Variants in COL14A1 observed in about 807,000 individuals in gnomAD.
The protein encoded by COL14A1 is collagen alpha-1(XIV) chain.
In COL14A1, 136 loss-of-function variants were observed where a neutral mutation model predicts 230.3. The observed-to-expected ratio is 0.59, with a 90% CI of 0.51 to 0.68. The LOEUF is 0.68. COL14A1 is among the 30% of genes least tolerant of loss of function. The pLI is 0.00. For missense variants in COL14A1, 1,976 were observed against 2,215.8 expected (o/e 0.89, Z 2.17); for synonymous variants, 792 against 784.1 (o/e 1.01, Z -0.17).
intron 19 of COL14A1, among the ~76,000 whole-genome samples, chr8:120,236,522 G>C (rs1818451223): frequency 1.3e-5 from 2 of 151,574 alleles, no homozygotes; most frequent in South Asian, 4.1e-4. Context: ...CTTTGCACGT[G>C]AGATGGGTCT....
chr8:120,348,743 A>G (rs1411335096), intron 45 of COL14A1, among the ~76,000 whole-genome samples: 2 of 152,142 alleles, frequency 1.3e-5, no homozygotes, highest in Non-Finnish European at 2.9e-5. Flanking sequence ...AGAAGTGCCC[A>G]CTCTAACTTT....
chr8:120,286,379 G>T (rs1820202961), intron 33 of COL14A1, among the ~76,000 whole-genome samples: 1 of 152,060 alleles, frequency 6.6e-6, no homozygotes, highest in Non-Finnish European at 1.5e-5. Context: ...TGCAGATAGG[G>T]ATAACTGATT....
intron 5 of COL14A1, among the ~76,000 whole-genome samples, chr8:120,188,093 T>C (rs536971291): frequency 4.6e-5 from 7 of 152,050 alleles, no homozygotes; most frequent in African/African-American, 1.4e-4. Context: ...ACTTTTTTTT[T>C]TTTTTTTGAG....
At chr8:120,129,050 G>A (rs1248656022) in intron 1 of COL14A1, among the ~76,000 whole-genome samples, 1 of 152,176 alleles carries the variant, frequency 6.6e-6, no homozygotes, top group African/African-American at 2.4e-5. Context: ...ATAATTTGCT[G>A]CAGGTTGTTT....
chr8:120,372,963 G>A lies in COL14A1; in HGVS notation c.*1732G>A, dbSNP rs1812212781. ...TTCTGCCTGAGAAAGCAGGATTTAT[G>A]GGAAGGAAAACTTGTCTAAGGCTCA... On this transcript the variant is annotated 3_prime_UTR_variant, in exon 48 of 48. Coordinates refer to ENST00000297848, the MANE Select transcript of COL14A1 (RefSeq NM_021110.4). 6.6e-6 allele frequency among the ~76,000 whole-genome samples: 1 copy of A among 152,100 alleles called. No homozygotes were observed. The highest frequency in any genetic ancestry group is 2.4e-5 in the African/African-American group (1 of 41,420).
intron 5 of COL14A1, among the ~76,000 whole-genome samples, chr8:120,193,988 C>T (rs1414515250): frequency 1.3e-5 from 2 of 152,348 alleles, no homozygotes; most frequent in African/African-American, 2.4e-5. Flanking sequence ...AACTCCCTGA[C>T]CCCTTGCGCT....
In COL14A1 at chr8:120,289,657, A is replaced by G. The variant is rs1353542367; in HGVS notation, c.4127A>G (p.Lys1376Arg). ...ETLVKVVIDC[K>R]QVGEKAMNAS... ...TTGGTCAAAGTGGTTATTGACTGCA[A>G]GCAAGTGGGTGAGAAGGCAATGAAC... The change falls in exon 34 of 48, where the codon AAG becomes AGG. Residue 1376 changes from lysine (K) to arginine (R), a missense_variant. Around this residue, in one of 3 missense-constraint regions of COL14A1, gnomAD observed 1,791 missense variants for 2,019.5 expected, o/e 0.89. Coordinates refer to ENST00000297848, the MANE Select transcript of COL14A1 (RefSeq NM_021110.4). The G allele has an allele frequency of 6.2e-7, 1 of 1,614,086 alleles. No individual in the cohort carries two copies.
rs1466901874 is a variant in COL14A1 at position 120,173,867 on chromosome 8, C to CT, written c.436+5621dup. On this transcript the variant is annotated intron_variant, in intron 5 of 47. Coordinates refer to ENST00000297848, the MANE Select transcript of COL14A1 (RefSeq NM_021110.4). Reference sequence around the variant, plus strand: ...TAGAAATAGTTTTAGAACTGCTAATCTGTGCATACTGCAAAAAGACAAACA... The same window carrying CT: ...TAGAAATAGTTTTAGAACTGCTAATCTTGTGCATACTGCAAAAAGACAAACA... Among the ~76,000 whole-genome samples the CT allele has an allele frequency of 2.7e-5, 4 of 150,446 alleles. No homozygotes were observed. In the East Asian group the frequency reaches 7.7e-4, roughly 29 times the overall value.
chr8:120,316,455 A>G (rs1274232202), intron 40 of COL14A1, among the ~76,000 whole-genome samples: 1 of 152,212 alleles, frequency 6.6e-6, no homozygotes, highest in East Asian at 1.9e-4. Context: ...AGTGGACAGT[A>G]GTACAATAAA....
chr8:120,226,803 G>A, intron 16 of COL14A1, 37 bp downstream of exon 16: 1 of 1,601,570 alleles, frequency 6.2e-7, no homozygotes, highest in Middle Eastern at 1.8e-4. Flanking sequence ...TTAATCTGGA[G>A]CATTAGTGAA....
At chr8:120,189,192 T>G (rs541700877) in intron 5 of COL14A1, among the ~76,000 whole-genome samples, 1 of 152,342 alleles carries the variant, frequency 6.6e-6, no homozygotes, top group South Asian at 2.1e-4. Flanking sequence ...TGAACAGCTG[T>G]TTGCCCCTGG....
chr8:120,337,412 A>AAAAAAAG (rs906838890), intron 42 of COL14A1, among the ~76,000 whole-genome samples: 1 of 151,340 alleles, frequency 6.6e-6, no homozygotes, highest in South Asian at 2.1e-4. Context: ...AAAAAAAAAA[A>AAAAAAAG]AAAAAAGAAA....
At chr8:120,337,050 A>G (rs1225139515) in intron 42 of COL14A1, among the ~76,000 whole-genome samples, 1 of 152,198 alleles carries the variant, frequency 6.6e-6, no homozygotes. Flanking sequence ...CCTAGACCCC[A>G]GCTCAGTGTC....
At chr8:120,326,986 A>C (rs1376164761) in intron 40 of COL14A1, among the ~76,000 whole-genome samples, 1 of 152,204 alleles carries the variant, frequency 6.6e-6, no homozygotes, top group Non-Finnish European at 1.5e-5. Context: ...AGATTGTGCC[A>C]CTGTACTCCA....
intron 1 of COL14A1, among the ~76,000 whole-genome samples, chr8:120,146,628 T>G (rs1435049021): frequency 1.3e-5 from 2 of 152,172 alleles, no homozygotes; most frequent in East Asian, 3.8e-4. Context: ...TTAAAAATAG[T>G]GTTTTTCAAC....
chr8:120,298,597 T>TTATATATATATATA (rs59846403), intron 35 of COL14A1, among the ~76,000 whole-genome samples: 36 of 57,982 alleles, frequency 6.2e-4, no homozygotes, highest in East Asian at 1.1e-3. Context: ...CCCATATATT[T>TTATATATATATATA]TATATATATA....
intron 42 of COL14A1, among the ~76,000 whole-genome samples, chr8:120,338,322 C>T (rs1822155417): frequency 2.0e-5 from 3 of 152,106 alleles, no homozygotes; most frequent in African/African-American, 4.8e-5. Flanking sequence ...AAGACATGAG[C>T]TGGCAGAATT....
chr8:120,315,736 T>A, intron 39 of COL14A1, 150 bp downstream of exon 39: 1 of 797,334 alleles, frequency 1.3e-6, no homozygotes, highest in Middle Eastern at 2.8e-4. Context: ...AAGCCCCTTT[T>A]GAGAGTCACA....
chr8:120,348,437 A>C (rs1240877154), intron 45 of COL14A1, among the ~76,000 whole-genome samples: 1 of 151,920 alleles, frequency 6.6e-6, no homozygotes, highest in East Asian at 1.9e-4. Flanking sequence ...GGAATGGAAA[A>C]CCAAACACCA....
Sources: allele counts gnomAD v4.1 joint callset (sites outside exome capture counted in the v4.1 genomes callset), GRCh38; gene constraint gnomAD v4.1.1; regional missense constraint gnomAD v4.1.1; transcripts MANE v1.5; gene names NCBI Gene and HGNC (gene_info 2026-07-23, HGNC 2026-07-21).